Variants in MAP2 observed in about 807,000 individuals in gnomAD.
The protein encoded by MAP2 is microtubule-associated protein 2.
In MAP2, 14 loss-of-function variants were observed where a neutral mutation model predicts 137.6. The observed-to-expected ratio is 0.10, with a 90% CI of 0.07 to 0.16. The LOEUF is 0.16. MAP2 is among the 10% of genes least tolerant of loss of function. The probability of loss-of-function intolerance (pLI) is 1.00; values close to 1 mark genes in which losing one functional copy is unlikely to be tolerated. For missense variants in MAP2, 2,088 were observed against 2,191.5 expected (o/e 0.95, Z 0.94); for synonymous variants, 786 against 782.3 (o/e 1.00, Z -0.08).
intron 3 of MAP2, among the ~76,000 whole-genome samples, chr2:209,610,546 AT>A (rs1460652844): frequency 6.6e-6 from 1 of 151,912 alleles, no homozygotes; most frequent in Non-Finnish European, 1.5e-5. Flanking sequence ...GAATTGTGGC[AT>A]TTCAAGTTTT....
At chr2:209,670,328 G>C (rs1362108530) in intron 5 of MAP2, among the ~76,000 whole-genome samples, 1 of 151,912 alleles carries the variant, frequency 6.6e-6, no homozygotes, top group Admixed American at 6.6e-5. Flanking sequence ...ACTAGAACAT[G>C]ATAAATATAA....
intron 4 of MAP2, among the ~76,000 whole-genome samples, chr2:209,636,844 A>T (rs2093613476): frequency 6.6e-6 from 1 of 152,120 alleles, no homozygotes; most frequent in Non-Finnish European, 1.5e-5. Context: ...GTACATGGAA[A>T]TCACACAGAA....
chr2:209,604,115 A>C (rs963800008), intron 3 of MAP2, among the ~76,000 whole-genome samples: 7 of 152,192 alleles, frequency 4.6e-5, no homozygotes, highest in African/African-American at 1.4e-4. Flanking sequence ...TCTCTATAGC[A>C]GTAAGAAGGA....
intron 6 of MAP2, among the ~76,000 whole-genome samples, chr2:209,680,201 T>G (rs1188519215): frequency 6.6e-6 from 1 of 152,202 alleles, no homozygotes; most frequent in Non-Finnish European, 1.5e-5. Flanking sequence ...ATTTTTCCAT[T>G]TCTGAGAATA....
intron 2 of MAP2, among the ~76,000 whole-genome samples, chr2:209,517,957 T>G (rs2062752904): frequency 6.6e-6 from 1 of 152,068 alleles, no homozygotes; most frequent in South Asian, 2.1e-4. Context: ...CAGATTACAT[T>G]CTTTCATCTC....
intron 4 of MAP2, among the ~76,000 whole-genome samples, chr2:209,646,765 T>A (rs772568297): frequency 6.6e-6 from 1 of 151,872 alleles, no homozygotes; most frequent in Non-Finnish European, 1.5e-5. Flanking sequence ...TATTTCCTTT[T>A]GTTCTTTCTT....
At chr2:209,616,057 C>G (rs1232281870) in intron 3 of MAP2, among the ~76,000 whole-genome samples, 1 of 152,174 alleles carries the variant, frequency 6.6e-6, no homozygotes, top group Admixed American at 6.5e-5. Flanking sequence ...TTTCATTGCT[C>G]AATAAAATTC....
intron 12 of MAP2, among the ~76,000 whole-genome samples, chr2:209,707,291 G>A (rs6435534): frequency 0.99 from 150,840 of 152,272 alleles, 74,723 homozygotes; most frequent in East Asian, 1. Flanking sequence ...GATGTTTACA[G>A]GCATTTTGCA....
chr2:209,495,923 T>C (rs1443210751), intron 1 of MAP2, among the ~76,000 whole-genome samples: 1 of 152,234 alleles, frequency 6.6e-6, no homozygotes, highest in African/African-American at 2.4e-5. Context: ...CATCACCTAG[T>C]CATTTTATGT....
At chr2:209,477,726 G>A (rs1202812503) in intron 1 of MAP2, among the ~76,000 whole-genome samples, 1 of 152,016 alleles carries the variant, frequency 6.6e-6, no homozygotes, top group Non-Finnish European at 1.5e-5. Context: ...GTTGGGTATG[G>A]TGGCTCACGC....
At chr2:209,658,978 C>A (rs2042171339) in intron 5 of MAP2, among the ~76,000 whole-genome samples, 1 of 152,126 alleles carries the variant, frequency 6.6e-6, no homozygotes, top group South Asian at 2.1e-4. Flanking sequence ...CATCTTTTTG[C>A]AATTTCCATG....
intron 1 of MAP2, among the ~76,000 whole-genome samples, chr2:209,466,101 T>A (rs1020851478): frequency 3.3e-5 from 5 of 152,216 alleles, no homozygotes; most frequent in African/African-American, 1.2e-4. Context: ...CCCATGAGAC[T>A]ACTAAAGAAA....
intron 4 of MAP2, among the ~76,000 whole-genome samples, chr2:209,650,393 G>A (rs956143824): frequency 2.0e-5 from 3 of 152,128 alleles, no homozygotes; most frequent in Non-Finnish European, 4.4e-5. Flanking sequence ...TCCTACCCAC[G>A]TAGCTTAGCA....
At position 209,511,313 on chromosome 2, in the gene MAP2, C is replaced by T. The variant is rs957094862; in HGVS notation, c.-172+3672C>T. ...TTCCTCTAATGCAGTCAGTACTTAG[C>T]ATATATATTCCATGAAGACCCTACC... On this transcript the variant is annotated intron_variant, in intron 2 of 15. Coordinates refer to ENST00000682079, the MANE Select transcript of MAP2 (RefSeq NM_001375505.1). Among the ~76,000 whole-genome samples the T allele has an allele frequency of 3.9e-5, 6 of 152,152 alleles. No homozygotes were observed. In the South Asian group the frequency reaches 6.2e-4, roughly 16 times the overall value.
rs2153820443 is a variant in MAP2 at position 209,730,878 on chromosome 2, A to G, written c.*481A>G. 1 of 155,868 alleles carries G rather than the reference A, an allele frequency of 6.4e-6. No homozygotes were observed. The highest frequency in any genetic ancestry group is 1.9e-4 in the East Asian group (1 of 5,290). The allele number at this position is 155,868 out of a possible 1,614,324, so 9.7% of individuals were successfully genotyped here. A position where few individuals can be genotyped will look rare whatever the true frequency, so the allele number is the denominator to read the frequency against. On this transcript the variant is annotated 3_prime_UTR_variant, in exon 16 of 16. Coordinates refer to ENST00000682079, the MANE Select transcript of MAP2 (RefSeq NM_001375505.1). ...GCATGTAAGAAATAAGTTTTTTTAA[A>G]GTGTTATTTTGTATAAATGGGAAGA...
In MAP2 at chr2:209,692,614, G is replaced by T; in HGVS notation, c.455-11G>T. The T allele has an allele frequency of 6.5e-7, 1 of 1,541,878 alleles. No homozygotes were observed. Among genetic ancestry groups the T allele is most frequent in the Non-Finnish European group, 8.7e-7 (1 of 1,149,786 alleles). On this transcript the variant is annotated splice_polypyrimidine_tract_variant and intron_variant, in intron 7 of 15. Coordinates refer to ENST00000682079, the MANE Select transcript of MAP2 (RefSeq NM_001375505.1). ...CTATTATTTGTTTAAAAATCAACCC[G>T]ATTACTTCAGATTTACTTACAGCCT...
At chr2:209,550,148 A>G (rs1294337917) in intron 2 of MAP2, among the ~76,000 whole-genome samples, 3 of 152,208 alleles carry the variant, frequency 2.0e-5, no homozygotes, top group Admixed American at 6.5e-5. Context: ...TTTACATTAG[A>G]AACATTTTTA....
At chr2:209,519,534 C>T (rs35174339) in intron 2 of MAP2, among the ~76,000 whole-genome samples, 3,676 of 152,078 alleles carry the variant, frequency 0.024, 57 homozygotes, top group South Asian at 0.07. Context: ...CCTCAAGGTT[C>T]TTGAGAAAGC....
chr2:209,700,881 TA>T, intron 11 of MAP2, among the ~76,000 whole-genome samples: 2 of 152,292 alleles, frequency 1.3e-5, no homozygotes, highest in Non-Finnish European at 2.9e-5. Context: ...TATCACTTTT[TA>T]AATTCAACAG....
Sources: gnomAD v4.1 joint callset for allele counts (sites outside exome capture counted in the v4.1 genomes callset) on GRCh38, gnomAD v4.1.1 for gene constraint, MANE v1.5 for transcripts, NCBI Gene and HGNC (gene_info 2026-07-23, HGNC 2026-07-21) for gene names.